CEP85L: variants seen among roughly 807,000 people sequenced by gnomAD.
The protein encoded by CEP85L is centrosomal protein of 85 kDa-like.
Under a neutral mutation model 100.3 loss-of-function variants are expected in CEP85L, and 60 were observed. That is an observed-to-expected ratio of 0.60 (90% CI 0.49 to 0.74). CEP85L has a LOEUF of 0.74. Among genes scored for constraint, CEP85L ranks in the 30% least tolerant of loss-of-function variants. CEP85L has a pLI of 0.00. For synonymous variants in CEP85L, 319 were observed against 322.7 expected, an observed-to-expected ratio of 0.99 and a Z score of 0.12; for missense variants, 973 against 936.2, an observed-to-expected ratio of 1.04 and a Z score of -0.51.
At chr6:118,525,344 G>C (rs1320091760) in intron 3 of CEP85L, among the ~76,000 whole-genome samples, 1 of 152,176 alleles carries the variant, frequency 6.6e-6, no homozygotes, top group South Asian at 2.1e-4. Context: ...TTATAGGTTT[G>C]ACTGTATTCC....
At chr6:118,624,696 G>A (rs1470237970) in intron 2 of CEP85L, among the ~76,000 whole-genome samples, 3 of 152,298 alleles carry the variant, frequency 2.0e-5, no homozygotes, top group Admixed American at 1.3e-4. Flanking sequence ...ATATCACCAA[G>A]GACAAATGAC....
At chr6:118,539,683 A>T (rs1306489587) in intron 3 of CEP85L, among the ~76,000 whole-genome samples, 1 of 152,044 alleles carries the variant, frequency 6.6e-6, no homozygotes, top group Non-Finnish European at 1.5e-5. Flanking sequence ...GGTTTGCTGC[A>T]CCTATCAACC....
Position 118,651,476 on chromosome 6 carries a change from G to C in CEP85L, c.-207C>G. ...CACTGCCGGCGCCTGCCATGGCCAA[G>C]CCGGCTGGGCTGAGGCCCGCGCCGG... On this transcript the variant is annotated 5_prime_UTR_variant, in exon 1 of 13. Coordinates refer to ENST00000368491, the MANE Select transcript of CEP85L (RefSeq NM_001042475.3). 1 of 1,307,790 alleles carries C rather than the reference G, an allele frequency of 7.6e-7. No individual in the cohort carries two copies. Among genetic ancestry groups the C allele is most frequent in the Non-Finnish European group, 9.7e-7 (1 of 1,031,094 alleles). The allele number at this position is 1,307,790 out of a possible 1,614,324, so 81.0% of individuals were successfully genotyped here.
intron 2 of CEP85L, among the ~76,000 whole-genome samples, chr6:118,593,381 AAAAG>A (rs1781293687): frequency 6.6e-6 from 1 of 151,976 alleles, no homozygotes; most frequent in South Asian, 2.1e-4. Flanking sequence ...AAAAGAAAAG[AAAAG>A]AAATATCGAG....
chr6:118,544,472 T>C (rs1449265407), intron 3 of CEP85L, among the ~76,000 whole-genome samples: 1 of 152,204 alleles, frequency 6.6e-6, no homozygotes, highest in African/African-American at 2.4e-5. Context: ...AATTTTCATT[T>C]CCATATTATT....
chr6:118,521,582 C>T (rs1776669438), intron 4 of CEP85L, among the ~76,000 whole-genome samples: 1 of 152,104 alleles, frequency 6.6e-6, no homozygotes, highest in African/African-American at 2.4e-5. Flanking sequence ...AAGTGAAGTC[C>T]ACTACTGGTC....
chr6:118,696,348 G>A (rs1777210874), intron 1 of CEP85L, among the ~76,000 whole-genome samples: 1 of 152,166 alleles, frequency 6.6e-6, no homozygotes, highest in African/African-American at 2.4e-5. Flanking sequence ...TAATAGTACA[G>A]TAAGGATGAA....
chr6:118,468,952 T>C (rs770080273), intron 12 of CEP85L, 120 bp downstream of exon 12: 4 of 681,708 alleles, frequency 5.9e-6, no homozygotes, highest in Non-Finnish European at 7.5e-6. Context: ...ACCCACAGAC[T>C]GATTCTAAGT....
intron 3 of CEP85L, among the ~76,000 whole-genome samples, chr6:118,543,861 T>C (rs1778046018): frequency 6.6e-6 from 1 of 152,028 alleles, no homozygotes; most frequent in African/African-American, 2.4e-5. Flanking sequence ...GATATCAGAG[T>C]AAAAACTGAG....
intron 5 of CEP85L, among the ~76,000 whole-genome samples, chr6:118,506,164 T>C (rs566128033): frequency 7.2e-5 from 11 of 152,330 alleles, no homozygotes; most frequent in Middle Eastern, 3.4e-3. Flanking sequence ...ATGGAACGAA[T>C]AGGATTAAAA....
At chr6:118,543,398 C>T (rs1234515161) in intron 3 of CEP85L, among the ~76,000 whole-genome samples, 1 of 151,970 alleles carries the variant, frequency 6.6e-6, no homozygotes, top group Non-Finnish European at 1.5e-5. Flanking sequence ...ATAAAAATAT[C>T]TTATTGAGCC....
chr6:118,484,813 A>G (rs939716418), intron 6 of CEP85L, among the ~76,000 whole-genome samples: 1 of 152,228 alleles, frequency 6.6e-6, no homozygotes, highest in Admixed American at 6.5e-5. Flanking sequence ...TGTACTAAAC[A>G]ATGCAACTAA....
intron 1 of CEP85L, among the ~76,000 whole-genome samples, chr6:118,690,187 T>C (rs1222011284): frequency 6.6e-6 from 1 of 152,230 alleles, no homozygotes; most frequent in Non-Finnish European, 1.5e-5. Context: ...CTTCTGGTGA[T>C]TGATACAATG....
intron 1 of CEP85L, among the ~76,000 whole-genome samples, chr6:118,699,412 A>T (rs1183604286): frequency 6.6e-6 from 1 of 150,490 alleles, no homozygotes; most frequent in Non-Finnish European, 1.5e-5. Flanking sequence ...CCGTGATCAC[A>T]CCACTGCATG....
chr6:118,476,252 T>C (rs1378723681), intron 10 of CEP85L, among the ~76,000 whole-genome samples: 1 of 151,884 alleles, frequency 6.6e-6, no homozygotes, highest in Non-Finnish European at 1.5e-5. Flanking sequence ...AAGACTGTTC[T>C]CTTTACAAGT....
intron 7 of CEP85L, among the ~76,000 whole-genome samples, chr6:118,483,310 A>ATT (rs1190334735): frequency 6.6e-6 from 1 of 151,698 alleles, no homozygotes; most frequent in East Asian, 1.9e-4. Context: ...AAATATATAT[A>ATT]TATAAAGGTT....
At chr6:118,558,468 C>T (rs1281014817) in intron 3 of CEP85L, among the ~76,000 whole-genome samples, 1 of 151,866 alleles carries the variant, frequency 6.6e-6, no homozygotes, top group Non-Finnish European at 1.5e-5. Context: ...TTTCCAGGAA[C>T]TTATGGAAGA....
chr6:118,588,346 A>T (rs531673739), intron 2 of CEP85L, among the ~76,000 whole-genome samples: 138 of 152,274 alleles, frequency 9.1e-4, no homozygotes, highest in African/African-American at 3.2e-3. Flanking sequence ...ATGAGGATGG[A>T]AGGCAACTGT....
chr6:118,680,817 A>G (rs1335634138), intron 1 of CEP85L, among the ~76,000 whole-genome samples: 18 of 151,990 alleles, frequency 1.2e-4, no homozygotes, highest in Admixed American at 1.1e-3. Flanking sequence ...TCGAGGCTGC[A>G]GTGAGCCAAG....
Sources: allele counts gnomAD v4.1 joint callset (sites outside exome capture counted in the v4.1 genomes callset), GRCh38; gene constraint gnomAD v4.1.1; transcripts MANE v1.5; gene names NCBI Gene and HGNC (gene_info 2026-07-23, HGNC 2026-07-21).